Variants in YRDC observed in about 807,000 individuals in gnomAD.
The protein encoded by YRDC is yrdC N6-threonylcarbamoyltransferase domain containing.
Under a neutral mutation model 21.5 loss-of-function variants are expected in YRDC, and 17 were observed. The observed-to-expected ratio is 0.79, with a 90% confidence interval of 0.54 to 1.19. The LOEUF is 1.19. YRDC is among the 50% of genes most tolerant of loss of function. The probability of loss-of-function intolerance (pLI) is 0.00; values close to 1 mark genes in which losing one functional copy is unlikely to be tolerated. For synonymous variants in YRDC, 193 were observed against 176.7 expected, an observed-to-expected ratio of 1.09 and a Z score of -0.73; for missense variants, 380 against 397.1, an observed-to-expected ratio of 0.96 and a Z score of 0.37.
rs2148390058 is a variant in YRDC at position 37,803,717 on chromosome 1, T to C, written c.*208A>G. 1 of 517,226 alleles carries C rather than the reference T, an allele frequency of 1.9e-6. No individual in the cohort carries two copies. The highest frequency in any genetic ancestry group is 3.0e-5 in the East Asian group (1 of 33,538). The allele number at this position is 517,226 out of a possible 1,614,324, so 32.0% of individuals were successfully genotyped here. ...TCAGCTTTTGGCTGATATATGAAAATACAAATAAATACATCCTTTCCCCAG... is the reference window on the plus strand; with the variant it reads ...TCAGCTTTTGGCTGATATATGAAAACACAAATAAATACATCCTTTCCCCAG... On this transcript the variant is annotated 3_prime_UTR_variant, in exon 5 of 5. Transcript: ENST00000373044.
At chr1:37,806,766 G>A (rs1369253455) in intron 3 of YRDC, 91 bp downstream of exon 3, 2 of 1,576,228 alleles carry the variant, frequency 1.3e-6, no homozygotes, top group South Asian at 1.1e-5. Flanking sequence ...TCTCATGCCT[G>A]GCCATCCCAG....
Position 37,808,004 on chromosome 1 carries a change from C to T in YRDC, c.177G>A (p.Ala59=), listed in dbSNP as rs1293243965. Residue 59 remains alanine, a synonymous_variant, in exon 1 of 5, where the codon GCG becomes GCA. Coordinates refer to ENST00000373044, the MANE Select transcript of YRDC (RefSeq NM_024640.4). ...CGGTCCAGCCGGCGCGCTCCGGGCT[C>T]GCGGCCTGCACGGCCCCGCTCCCCG... is the stretch of plus-strand genomic sequence containing the variant. ...RLPGSGAVQA[A]SPERAGWTEA... 1.5e-5 allele frequency: 18 copies of T among 1,209,172 alleles called. No individual in the cohort carries two copies. The highest frequency in any genetic ancestry group is 1.8e-5 in the Non-Finnish European group (18 of 974,054). 74.9% of individuals were successfully genotyped at this position (1,209,172 alleles called of 1,614,324 possible). A position where few individuals can be genotyped will look rare whatever the true frequency, so the allele number is the denominator to read the frequency against.
intron 3 of YRDC, among the ~76,000 whole-genome samples, chr1:37,806,336 G>A (rs564466370): frequency 6.6e-6 from 1 of 152,246 alleles, no homozygotes; most frequent in Admixed American, 6.5e-5. Context: ...AAGTAGCTGG[G>A]ATTACAGGCA....
chr1:37,805,974 G>A (rs765358462), intron 3 of YRDC, among the ~76,000 whole-genome samples: 5 of 152,050 alleles, frequency 3.3e-5, no homozygotes, highest in Admixed American at 1.3e-4. Flanking sequence ...TTATTACTAC[G>A]TTTTACATCT....
chr1:37,806,749 C>A (rs1646739543), intron 3 of YRDC, 108 bp downstream of exon 3: 1 of 1,542,480 alleles, frequency 6.5e-7, no homozygotes. Context: ...ACTGTTGGCC[C>A]AAGAACTCTC....
At position 37,807,597 on chromosome 1, in the gene YRDC, G is replaced by C. The variant is rs1646748408; in HGVS notation, c.389+195C>G. The C allele has an allele frequency of 8.4e-6, 9 of 1,077,718 alleles. No individual in the cohort carries two copies. In the South Asian group the frequency reaches 1.6e-4, roughly 20 times the overall value. The allele number at this position is 1,077,718 out of a possible 1,614,324, so 66.8% of individuals were successfully genotyped here. On this transcript the variant is annotated intron_variant, in intron 1 of 4. Coordinates refer to ENST00000373044, the MANE Select transcript of YRDC (RefSeq NM_024640.4). ...GGAACAGGGTCCCTGCCTTTCTCGT[G>C]TGTTGCTGCTTCCCAGCAGCATGTA...
chr1:37,804,187 G>C, intron 4 of YRDC, 115 bp downstream of exon 4: 2 of 1,504,194 alleles, frequency 1.3e-6, no homozygotes, highest in Admixed American at 2.0e-5. Context: ...CTCCAAACCT[G>C]GCCCACACTC....
At chr1:37,807,332 T>A in intron 1 of YRDC, 117 bp from the exon 2 acceptor site, 2 of 942,296 alleles carry the variant, frequency 2.1e-6, no homozygotes, top group Non-Finnish European at 3.2e-6. Flanking sequence ...GAGCCGCCTG[T>A]CTCCCTGCTT....
intron 3 of YRDC, 28 bp from the exon 4 acceptor site, chr1:37,804,472 G>A: frequency 6.2e-7 from 1 of 1,602,024 alleles, no homozygotes; most frequent in Non-Finnish European, 8.5e-7. Context: ...GAAGAGCATG[G>A]ACACTATCCC....
Position 37,808,199 on chromosome 1 carries a change from G to T in YRDC, c.-19C>A, listed in dbSNP as rs1400815238. The T allele has an allele frequency of 7.0e-7, 1 of 1,423,196 alleles. No homozygotes were observed. The highest frequency in any genetic ancestry group is 9.1e-7 in the Non-Finnish European group (1 of 1,093,556). 88.2% of individuals were successfully genotyped at this position (1,423,196 alleles called of 1,614,324 possible). On this transcript the variant is annotated 5_prime_UTR_variant, in exon 1 of 5. Transcript: ENST00000373044. Reference sequence around the variant, plus strand: ...GAGACATCCGCCCAGGCCCGCTTCCGGGAGGAAGTGACGCTCCCAGCCAGC... The same window carrying T: ...GAGACATCCGCCCAGGCCCGCTTCCTGGAGGAAGTGACGCTCCCAGCCAGC...
In YRDC at chr1:37,807,955, C is replaced by A; in HGVS notation, c.226G>T (p.Glu76Ter). ...WTEALRAAVA[E>*]LRAGAVVAVP... is the part of the protein sequence containing the mutation. ...GCCACCACGGCGCCGGCGCGCAGCTCGGCCACGGCGGCCCGCAGCGCCTCG... is the reference window on the plus strand; with the variant it reads ...GCCACCACGGCGCCGGCGCGCAGCTAGGCCACGGCGGCCCGCAGCGCCTCG... Residue 76 changes from glutamate to a stop codon, truncating the protein, a stop_gained, in exon 1 of 5, where the codon GAG (glutamate) becomes TAG (stop). Transcript: ENST00000373044. LOFTEE classifies it high-confidence loss of function. 1 of 1,223,640 alleles carries A rather than the reference C, an allele frequency of 8.2e-7. No homozygotes were observed. Among genetic ancestry groups the A allele is most frequent in the Non-Finnish European group, 1.0e-6 (1 of 982,714 alleles). 75.8% of individuals were successfully genotyped at this position (1,223,640 alleles called of 1,614,324 possible). A position where few individuals can be genotyped will look rare whatever the true frequency, so the allele number is the denominator to read the frequency against.
chr1:37,804,354 T>C lies in YRDC; in HGVS notation c.715A>G (p.Thr239Ala). 1 of 1,614,156 alleles carries C rather than the reference T, an allele frequency of 6.2e-7. No homozygotes were observed. The highest frequency in any genetic ancestry group is 8.5e-7 in the Non-Finnish European group (1 of 1,180,008). The change falls in exon 4 of 5, where the codon ACT (threonine) becomes GCT (alanine). Residue 239 changes from threonine (T) to alanine (A), a missense_variant. Thr to Ala is a moderately conservative substitution (Grantham distance 58, BLOSUM62 0). Around this residue, in one of 3 missense-constraint regions of YRDC, gnomAD observed 238 missense variants for 236.5 expected, o/e 1.01. Transcript: ENST00000373044. ...CCGGGCACAGACAAATCAACCACAG[T>C]TGAGCCAAGGCGACACTCGGGGCTC... is the stretch of plus-strand genomic sequence containing the variant. ...GQSPECRLGS[T>A]VVDLSVPGKF...
chr1:37,804,422 T>G lies in YRDC; in HGVS notation c.647A>C (p.Gln216Pro). The change falls in exon 4 of 5, where the codon CAG becomes CCG. Residue 216 changes from glutamine to proline, a missense_variant. This residue lies in a region of YRDC where 238 missense variants were observed against 236.5 expected (regional missense o/e 1.01). Coordinates refer to ENST00000373044, the MANE Select transcript of YRDC (RefSeq NM_024640.4). ...NVEEFQDLWP[Q>P]LSLVIDGGQI... ...TCCCCCATCAATAACCAAGGACAAC[T>G]GAGGCCAGAGATCCTGGAACTCCTG... 6.2e-7 allele frequency: 1 copy of G among 1,613,560 alleles called. No individual in the cohort carries two copies. The highest frequency in any genetic ancestry group is 8.5e-7 in the Non-Finnish European group (1 of 1,179,540).
chr1:37,805,153 G>A (rs778982877), intron 3 of YRDC, among the ~76,000 whole-genome samples: 3 of 152,140 alleles, frequency 2.0e-5, no homozygotes, highest in South Asian at 2.1e-4. Flanking sequence ...CTACTCACTC[G>A]GGAGGCTGAG....
chr1:37,803,359 AC>A lies in YRDC; in HGVS notation c.*565del, dbSNP rs942771901. ...GTTCTAGCTTCAGGAGCCTTTGGTCACCTGAGACTTTTTATTTATTAATTTT... is the reference window on the plus strand; with the variant it reads ...GTTCTAGCTTCAGGAGCCTTTGGTCACTGAGACTTTTTATTTATTAATTTT... On this transcript the variant is annotated 3_prime_UTR_variant, in exon 5 of 5. Coordinates refer to ENST00000373044, the MANE Select transcript of YRDC (RefSeq NM_024640.4). 6 of 152,768 alleles carry A rather than the reference AC, an allele frequency of 3.9e-5. No individual in the cohort carries two copies. Among genetic ancestry groups the A allele is most frequent in the African/African-American group, 1.4e-4 (6 of 41,438 alleles). 9.5% of individuals were successfully genotyped at this position (152,768 alleles called of 1,614,324 possible). A position where few individuals can be genotyped will look rare whatever the true frequency, so the allele number is the denominator to read the frequency against.
At chr1:37,807,239 C>A (rs1232813840) in intron 1 of YRDC, 24 bp from the exon 2 acceptor site, 1 of 1,608,954 alleles carries the variant, frequency 6.2e-7, no homozygotes, top group Non-Finnish European at 8.5e-7. Context: ...AAGAATAAAT[C>A]CATTCAAAAT....
chr1:37,805,959 G>A (rs1274580564), intron 3 of YRDC, among the ~76,000 whole-genome samples: 1 of 152,152 alleles, frequency 6.6e-6, no homozygotes, highest in Non-Finnish European at 1.5e-5. Flanking sequence ...GGGACACAAT[G>A]TAGCTTATTA....
Position 37,808,186 on chromosome 1 carries a change from C to A in YRDC, c.-6G>T. On this transcript the variant is annotated 5_prime_UTR_variant, in exon 1 of 5. Coordinates refer to ENST00000373044, the MANE Select transcript of YRDC (RefSeq NM_024640.4). ...CACCGACGCGCCGGAGACATCCGCC[C>A]AGGCCCGCTTCCGGGAGGAAGTGAC... The A allele has an allele frequency of 6.9e-7, 1 of 1,439,086 alleles. No individual in the cohort carries two copies. Among genetic ancestry groups the A allele is most frequent in the Non-Finnish European group, 9.1e-7 (1 of 1,100,586 alleles). 89.1% of individuals were successfully genotyped at this position (1,439,086 alleles called of 1,614,324 possible).
At position 37,808,203 on chromosome 1, in the gene YRDC, G is replaced by T; in HGVS notation, c.-23C>A. The stretch of plus-strand genomic sequence containing the variant: ...CATCCGCCCAGGCCCGCTTCCGGGA[G>T]GAAGTGACGCTCCCAGCCAGCTTCC... On this transcript the variant is annotated 5_prime_UTR_variant, in exon 1 of 5. Coordinates refer to ENST00000373044, the MANE Select transcript of YRDC (RefSeq NM_024640.4). The T allele has an allele frequency of 7.0e-7, 1 of 1,420,746 alleles. No homozygotes were observed. The highest frequency in any genetic ancestry group is 9.2e-7 in the Non-Finnish European group (1 of 1,092,224). The allele number at this position is 1,420,746 out of a possible 1,614,324, so 88.0% of individuals were successfully genotyped here.
Sources: allele counts gnomAD v4.1 joint callset (sites outside exome capture counted in the v4.1 genomes callset), GRCh38; gene constraint gnomAD v4.1.1; regional missense constraint gnomAD v4.1.1; transcripts MANE v1.5; gene names NCBI Gene and HGNC (gene_info 2026-07-23, HGNC 2026-07-21).